The following SNX6 variants were observed in gnomAD, a reference collection of about 807,000 sequenced individuals.
SNX6 encodes the protein sorting nexin 6, also known as sorting nexin-6.
SNX6 carries 34 observed loss-of-function variants against 63.0 expected under a neutral mutation model. That is an observed-to-expected ratio of 0.54 (90% CI 0.41 to 0.72). The LOEUF (loss-of-function observed/expected upper bound fraction) is 0.72. Ranked by LOEUF, SNX6 falls within the 30% of genes least tolerant of loss-of-function variation. The pLI is 0.00. For missense variants in SNX6, 398 were observed against 471.4 expected (o/e 0.84, Z 1.44); for synonymous variants, 170 against 164.2 (o/e 1.04, Z -0.27).
intron 4 of SNX6, among the ~76,000 whole-genome samples, chr14:34,606,252 C>T (rs890019573): frequency 7.0e-6 from 1 of 143,530 alleles, no homozygotes; most frequent in African/African-American, 2.6e-5. Flanking sequence ...GCTGGAGTAG[C>T]TGGGATTATA....
rs560740036 is a variant in SNX6 at position 34,621,719 on chromosome 14, C to T, written c.54+8188G>A. Among the ~76,000 whole-genome samples, 4 of 152,274 alleles carry T rather than the reference C, an allele frequency of 2.6e-5. No individual in the cohort carries two copies. The South Asian group carries it at 8.3e-4, about 32-fold the overall frequency. Reference sequence around the variant, plus strand: ...GTTTTCTCCTTCTCCCTTGCCCAGCCCATGTATTACTTATTCAGTCACTAT... The same window carrying T: ...GTTTTCTCCTTCTCCCTTGCCCAGCTCATGTATTACTTATTCAGTCACTAT... On this transcript the variant is annotated intron_variant, in intron 2 of 13. Coordinates refer to ENST00000362031, the MANE Select transcript of SNX6 (RefSeq NM_152233.4).
At chr14:34,613,186 G>C (rs550708133) in intron 2 of SNX6, among the ~76,000 whole-genome samples, 11 of 152,234 alleles carry the variant, frequency 7.2e-5, no homozygotes, top group Non-Finnish European at 1.6e-4. Context: ...AAAGCTGGAG[G>C]AGGCAGGGAA....
chr14:34,597,671 T>G (rs760912317), intron 6 of SNX6, 26 bp from the exon 7 acceptor site: 18 of 1,380,318 alleles, frequency 1.3e-5, no homozygotes, highest in Non-Finnish European at 5.1e-6. Context: ...TTTAACATTT[T>G]TAAGGTTACA....
intron 7 of SNX6, among the ~76,000 whole-genome samples, chr14:34,593,806 C>T (rs1160572248): frequency 2.6e-5 from 4 of 151,832 alleles, no homozygotes; most frequent in East Asian, 3.9e-4. Flanking sequence ...TCTCGAACTC[C>T]TCACCTCATG....
intron 2 of SNX6, among the ~76,000 whole-genome samples, chr14:34,621,129 TAG>T (rs1566493940): frequency 6.6e-6 from 1 of 152,028 alleles, no homozygotes; most frequent in African/African-American, 2.4e-5. Flanking sequence ...TTAGTTTTTG[TAG>T]AGAGAGGATC....
At chr14:34,604,151 C>T (rs1424428701) in intron 5 of SNX6, 1 of 1,279,818 alleles carries the variant, frequency 7.8e-7, no homozygotes, top group South Asian at 1.3e-5. Context: ...ACCAGCAGGA[C>T]CAATGATGGG....
intron 9 of SNX6, among the ~76,000 whole-genome samples, chr14:34,581,924 G>A (rs1881954121): frequency 6.6e-6 from 1 of 152,098 alleles, no homozygotes; most frequent in South Asian, 2.1e-4. Context: ...TGCCTCCCGA[G>A]TTCAAGCGAT....
At chr14:34,605,847 C>A in intron 4 of SNX6, 130 bp from the exon 5 acceptor site, 12 of 1,134,742 alleles carry the variant, frequency 1.1e-5, no homozygotes, top group Non-Finnish European at 1.4e-5. Context: ...CAGGAACACC[C>A]AAATTCAGAT....
intron 9 of SNX6, among the ~76,000 whole-genome samples, chr14:34,582,186 C>G (rs1403680447): frequency 2.1e-5 from 3 of 145,618 alleles, no homozygotes; most frequent in Non-Finnish European, 4.5e-5. Flanking sequence ...GGCCAGAGTG[C>G]AGCGGTGCAA....
At chr14:34,626,508 CA>C (rs1416479402) in intron 2 of SNX6, among the ~76,000 whole-genome samples, 1 of 148,768 alleles carries the variant, frequency 6.7e-6, no homozygotes, top group Non-Finnish European at 1.5e-5. Context: ...AAAAAAAATG[CA>C]AAAAATTAGC....
intron 2 of SNX6, among the ~76,000 whole-genome samples, chr14:34,629,157 T>C (rs1047994675): frequency 2.0e-5 from 3 of 151,690 alleles, no homozygotes; most frequent in Admixed American, 1.3e-4. Flanking sequence ...AAATGGTAAC[T>C]AGGTGAGGTG....
rs1462292348 is a variant in SNX6 at position 34,596,517 on chromosome 14, G to A, written c.612+1033C>T. ...GCCTGTAATCCCAGCTACTCAGGAG[G>A]CTGAGGCAGGAGAATTGCTTGAACC... is the stretch of plus-strand genomic sequence containing the variant. On this transcript the variant is annotated intron_variant, in intron 7 of 13. Coordinates refer to ENST00000362031, the MANE Select transcript of SNX6 (RefSeq NM_152233.4). 2.7e-5 allele frequency among the ~76,000 whole-genome samples: 4 copies of A among 150,510 alleles called. No individual in the cohort carries two copies. The South Asian group carries it at 6.3e-4, about 24-fold the overall frequency.
chr14:34,612,580 T>G (rs1486557760), intron 2 of SNX6, among the ~76,000 whole-genome samples: 6 of 151,998 alleles, frequency 3.9e-5, no homozygotes, highest in African/African-American at 1.4e-4. Flanking sequence ...ACTACAGGCA[T>G]GCACAACCAG....
In SNX6 at chr14:34,567,857, G is replaced by T; in HGVS notation, c.1078C>A (p.Gln360Lys). 6.2e-7 allele frequency: 1 copy of T among 1,613,974 alleles called. No homozygotes were observed. Among genetic ancestry groups the T allele is most frequent in the African/African-American group, 1.3e-5 (1 of 75,004 alleles). ...KFEKISESAK[Q>K]ELIDFKTRRV... Reference sequence around the variant, plus strand: ...TTAAAGGTTAACGTAACAGTACCTTGTTTTGCAGACTCAGATATTTTTTCA... The same window carrying T: ...TTAAAGGTTAACGTAACAGTACCTTTTTTTGCAGACTCAGATATTTTTTCA... The change falls in exon 12 of 14, where the codon CAA (glutamine) becomes AAA (lysine). Residue 360 changes from glutamine to lysine, a missense_variant. Gln to Lys is a moderately conservative substitution (Grantham distance 53). Coordinates refer to ENST00000362031, the MANE Select transcript of SNX6 (RefSeq NM_152233.4).
intron 2 of SNX6, among the ~76,000 whole-genome samples, chr14:34,612,047 G>A (rs1883252004): frequency 1.3e-5 from 2 of 152,152 alleles, no homozygotes; most frequent in Non-Finnish European, 2.9e-5. Context: ...CCAAAGTGCT[G>A]GGATTACAGG....
At chr14:34,598,001 C>T (rs1035143880) in intron 6 of SNX6, among the ~76,000 whole-genome samples, 10 of 152,094 alleles carry the variant, frequency 6.6e-5, no homozygotes, top group African/African-American at 1.4e-4. Context: ...AATTTTAGCT[C>T]GGGAGTTCCT....
chr14:34,565,980 C>A (rs960005075), intron 13 of SNX6, among the ~76,000 whole-genome samples: 1 of 151,372 alleles, frequency 6.6e-6, no homozygotes, highest in African/African-American at 2.4e-5. Flanking sequence ...TGAGCCACCA[C>A]GCCTGGCTGA....
At position 34,619,006 on chromosome 14, in the gene SNX6, C is replaced by T. The variant is rs565241857; in HGVS notation, c.55-9264G>A. Among the ~76,000 whole-genome samples the T allele has an allele frequency of 9.2e-5, 14 of 152,022 alleles. No homozygotes were observed. In the East Asian group the frequency reaches 2.3e-3, roughly 25 times the overall value. ...TTGCTACATTCCCAATGGAAGTTCTCGACAAATATTTGTGGAATGTAAAGG... is the reference window on the plus strand; with the variant it reads ...TTGCTACATTCCCAATGGAAGTTCTTGACAAATATTTGTGGAATGTAAAGG... On this transcript the variant is annotated intron_variant, in intron 2 of 13. Transcript: ENST00000362031.
At chr14:34,604,097 T>C in intron 5 of SNX6, 2 of 1,181,170 alleles carry the variant, frequency 1.7e-6, no homozygotes, top group Non-Finnish European at 2.1e-6. Context: ...TTGATATTCT[T>C]GCTTCAACTA....
Sources: gnomAD v4.1 joint callset for allele counts (sites outside exome capture counted in the v4.1 genomes callset) on GRCh38, gnomAD v4.1.1 for gene constraint, MANE v1.5 for transcripts, NCBI Gene and HGNC (gene_info 2026-07-23, HGNC 2026-07-21) for gene names.